Variants in ATP8B1 observed in about 807,000 individuals in gnomAD.
ATP8B1 encodes ATPase phospholipid transporting 8B1.
In ATP8B1, 80 loss-of-function variants were observed where a neutral mutation model predicts 149.9. That is an observed-to-expected ratio of 0.53 (90% CI 0.45 to 0.64). ATP8B1 has a LOEUF of 0.64. Ranked by LOEUF, ATP8B1 falls within the 30% of genes least tolerant of loss-of-function variation. The pLI, the probability that ATP8B1 is intolerant of heterozygous loss-of-function variation, is 0.00. For synonymous variants in ATP8B1, 536 were observed against 562.8 expected, an observed-to-expected ratio of 0.95 and a Z score of 0.67; for missense variants, 1,247 against 1,552.6, an observed-to-expected ratio of 0.80 and a Z score of 3.31.
chr18:57,660,893 A>G (rs1910346223), intron 22 of ATP8B1, among the ~76,000 whole-genome samples: 1 of 152,184 alleles, frequency 6.6e-6, no homozygotes, highest in East Asian at 1.9e-4. Flanking sequence ...ACATCTATAT[A>G]AAAGAATAAA....
chr18:57,792,112 C>T (rs1159073766), intron 1 of ATP8B1, among the ~76,000 whole-genome samples: 4 of 152,216 alleles, frequency 2.6e-5, no homozygotes, highest in Non-Finnish European at 5.9e-5. Context: ...TACATCCACA[C>T]ACACATATTT....
intron 14 of ATP8B1, 124 bp from the exon 15 acceptor site, chr18:57,684,316 A>T (rs372560269): frequency 9.4e-6 from 10 of 1,058,282 alleles, no homozygotes; most frequent in East Asian, 5.2e-5. Context: ...ATTTTAGCAC[A>T]TTCTTAAATG....
At position 57,668,134 on chromosome 18, in the gene ATP8B1, G is replaced by T. The variant is rs28424873; in HGVS notation, c.2209+295C>A. The T allele has an allele frequency of 0.2, 277,308 of 1,356,614 alleles. 30,086 individuals carry two copies. Among genetic ancestry groups the T allele is most frequent in the Non-Finnish European group, 0.22 (228,127 of 1,033,260 alleles). The allele number at this position is 1,356,614 out of a possible 1,614,324, so 84.0% of individuals were successfully genotyped here. A position where few individuals can be genotyped will look rare whatever the true frequency, so the allele number is the denominator to read the frequency against. ...GGAAGGACAGAGGGACAAGAGGGATGGCCCTTTCAGGACGGGAACCCACGT... is the reference window on the plus strand; with the variant it reads ...GGAAGGACAGAGGGACAAGAGGGATTGCCCTTTCAGGACGGGAACCCACGT... On this transcript the variant is annotated intron_variant, in intron 19 of 27. Coordinates refer to ENST00000648908, the MANE Select transcript of ATP8B1 (RefSeq NM_001374385.1).
chr18:57,711,955 TC>T (rs1479472660), intron 2 of ATP8B1, among the ~76,000 whole-genome samples: 1 of 151,958 alleles, frequency 6.6e-6, no homozygotes, highest in African/African-American at 2.4e-5. Context: ...AAGGAAAACT[TC>T]ATTTTCATTC....
At position 57,781,696 on chromosome 18, in the gene ATP8B1, T is replaced by A. The variant is rs1206399534; in HGVS notation, c.-26+21302A>T. On this transcript the variant is annotated intron_variant, in intron 1 of 27. Transcript: ENST00000648908. ...TACAGTTCAATATGGGAAACATAGG[T>A]GGGTGCAGTGGCTCGCACCAGTAAT... is the stretch of plus-strand genomic sequence containing the variant. 2.0e-5 allele frequency among the ~76,000 whole-genome samples: 3 copies of A among 152,210 alleles called. No homozygotes were observed. In the East Asian group the frequency reaches 5.8e-4, roughly 29 times the overall value.
intron 15 of ATP8B1, among the ~76,000 whole-genome samples, chr18:57,676,385 T>C (rs1057088694): frequency 6.6e-6 from 1 of 151,764 alleles, no homozygotes; most frequent in African/African-American, 2.4e-5. Context: ...TATTTTTTCT[T>C]TACCATAGCT....
intron 6 of ATP8B1, among the ~76,000 whole-genome samples, chr18:57,698,816 C>T (rs969714879): frequency 3.9e-5 from 6 of 152,320 alleles, no homozygotes; most frequent in South Asian, 2.1e-4. Flanking sequence ...GCTTTGCTCA[C>T]GTCTTGACAT....
intron 13 of ATP8B1, 94 bp downstream of exon 13, chr18:57,688,205 A>T (rs1912351601): frequency 2.2e-6 from 3 of 1,369,300 alleles, no homozygotes; most frequent in Non-Finnish European, 3.1e-6. Context: ...AGAGGGCACC[A>T]GCAATGCCAG....
At position 57,688,286 on chromosome 18, in the gene ATP8B1, G is replaced by T; in HGVS notation, c.1429+13C>A. ...CCCACTCACCCAGAAAATGAGTGAC[G>T]GCTTCCACTTACCATATATCTGCCC... On this transcript the variant is annotated intron_variant, in intron 13 of 27. Coordinates refer to ENST00000648908, the MANE Select transcript of ATP8B1 (RefSeq NM_001374385.1). 1 of 1,612,722 alleles carries T rather than the reference G, an allele frequency of 6.2e-7. No individual in the cohort carries two copies. The highest frequency in any genetic ancestry group is 1.3e-5 in the African/African-American group (1 of 75,014).
intron 2 of ATP8B1, among the ~76,000 whole-genome samples, chr18:57,716,933 A>G (rs2079588373): frequency 6.6e-6 from 1 of 152,076 alleles, no homozygotes; most frequent in African/African-American, 2.4e-5. Flanking sequence ...TCACAGAACG[A>G]GTCTTAAAAC....
intron 1 of ATP8B1, among the ~76,000 whole-genome samples, chr18:57,732,285 ATATGTATATATATGTGTATATATG>A (rs2079789010): frequency 1.0e-4 from 1 of 9,588 alleles, no homozygotes; most frequent in South Asian, 4.2e-3. Flanking sequence ...ATATGTGTAT[ATATGTATATATATGTGTATATATG>A]TGTGTATATA....
At position 57,695,218 on chromosome 18, in the gene ATP8B1, C is replaced by T. The variant is rs768218286; in HGVS notation, c.893G>A (p.Cys298Tyr). 1.2e-5 allele frequency: 20 copies of T among 1,614,156 alleles called. No individual in the cohort carries two copies. The highest frequency in any genetic ancestry group is 2.2e-5 in the East Asian group (1 of 44,866). ...LDADKILLRG[C>Y]VIRNTDFCHG... ...GCAGAAATCGGTGTTCCTAATTACA[C>T]AGCCACGTAACAAAATTTTATCAGC... The change falls in exon 10 of 28, where the codon TGT becomes TAT. Residue 298 changes from cysteine (C) to tyrosine (Y), a missense_variant. By Grantham distance (194) the Cys-to-Tyr change is radical. This residue lies in a region of ATP8B1 where 853 missense variants were observed against 1,035.7 expected (regional missense o/e 0.82). Coordinates refer to ENST00000648908, the MANE Select transcript of ATP8B1 (RefSeq NM_001374385.1).
chr18:57,704,861 A>G (rs1913310818), intron 3 of ATP8B1, among the ~76,000 whole-genome samples, 193 bp from the exon 4 acceptor site: 1 of 152,164 alleles, frequency 6.6e-6, no homozygotes, highest in African/African-American at 2.4e-5. Flanking sequence ...AGGTGGGTGG[A>G]TCACCTGAGC....
intron 1 of ATP8B1, among the ~76,000 whole-genome samples, chr18:57,757,361 C>G (rs893515497): frequency 5.3e-5 from 8 of 152,146 alleles, no homozygotes; most frequent in Admixed American, 3.9e-4. Context: ...CTGTAATCAG[C>G]CATTTCTCCC....
rs144119917 is a variant in ATP8B1 at position 57,788,729 on chromosome 18, C to A, written c.-26+14269G>T. Among the ~76,000 whole-genome samples, 502 of 151,776 alleles carry A rather than the reference C, an allele frequency of 3.3e-3. 4 individuals are homozygous for A. Among genetic ancestry groups the A allele is most frequent in the Middle Eastern group, 0.01 (3 of 294 alleles). On this transcript the variant is annotated intron_variant, in intron 1 of 27. Coordinates refer to ENST00000648908, the MANE Select transcript of ATP8B1 (RefSeq NM_001374385.1). ...GGATAATTCCTGTCTTGCCAACTCC[C>A]AAATGAGGAGATTTTAAAACTATAA...
intron 1 of ATP8B1, among the ~76,000 whole-genome samples, chr18:57,739,218 G>A (rs760016391): frequency 1.3e-5 from 2 of 152,114 alleles, no homozygotes; most frequent in East Asian, 1.9e-4. Flanking sequence ...GGCTGGTCTC[G>A]AACTTCTGAC....
chr18:57,790,580 C>T (rs1279909560), intron 1 of ATP8B1, among the ~76,000 whole-genome samples: 1 of 152,094 alleles, frequency 6.6e-6, no homozygotes, highest in Non-Finnish European at 1.5e-5. Context: ...TTGACTGGAC[C>T]ACTCTTCCCC....
At chr18:57,678,586 CAA>C (rs371560119) in intron 15 of ATP8B1, among the ~76,000 whole-genome samples, 16 of 107,644 alleles carry the variant, frequency 1.5e-4, no homozygotes, top group East Asian at 7.1e-4. Flanking sequence ...GATTCTATCT[CAA>C]AAAAAAAAAA....
intron 2 of ATP8B1, among the ~76,000 whole-genome samples, chr18:57,717,722 G>A (rs565267567): frequency 6.6e-6 from 1 of 151,350 alleles, no homozygotes; most frequent in Non-Finnish European, 1.5e-5. Context: ...ACGGTTTTTT[G>A]TTTTGGTTTG....
Sources: allele counts gnomAD v4.1 joint callset (sites outside exome capture counted in the v4.1 genomes callset), GRCh38; gene constraint gnomAD v4.1.1; regional missense constraint gnomAD v4.1.1; transcripts MANE v1.5; gene names NCBI Gene and HGNC (gene_info 2026-07-23, HGNC 2026-07-21).